The following BFSP1 variants were observed in gnomAD, a reference collection of about 807,000 sequenced individuals.
The protein encoded by BFSP1 is filensin.
Under a neutral mutation model 43.9 loss-of-function variants are expected in BFSP1, and 38 were observed. That is an observed-to-expected ratio of 0.87 (90% CI 0.67 to 1.14). The LOEUF is 1.14. Among genes scored for constraint, BFSP1 ranks in the 50% most tolerant of loss-of-function variants. The pLI is 0.00. For synonymous variants in BFSP1, 352 were observed against 354.8 expected (o/e 0.99, Z 0.09); for missense variants, 850 against 875.1 (o/e 0.97, Z 0.36).
chr20:17,511,050 G>A (rs1320481352), intron 4 of BFSP1, among the ~76,000 whole-genome samples: 1 of 152,072 alleles, frequency 6.6e-6, no homozygotes, highest in Admixed American at 6.6e-5. Flanking sequence ...AGCCTCAAAT[G>A]ATCCTCCCAC....
chr20:17,497,958 G>A (rs2033695463), intron 6 of BFSP1, among the ~76,000 whole-genome samples: 1 of 152,148 alleles, frequency 6.6e-6, no homozygotes, highest in Non-Finnish European at 1.5e-5. Context: ...TGTGTGCATA[G>A]TGTTCACTGT....
chr20:17,518,964 C>T (rs1322594045), intron 2 of BFSP1, among the ~76,000 whole-genome samples: 1 of 152,212 alleles, frequency 6.6e-6, no homozygotes, highest in Non-Finnish European at 1.5e-5. Context: ...CAGTGGTTCC[C>T]TGTGGAGTGA....
chr20:17,497,315 T>TTTTTTA (rs1264890207), intron 6 of BFSP1, among the ~76,000 whole-genome samples: 1 of 151,894 alleles, frequency 6.6e-6, no homozygotes, highest in Non-Finnish European at 1.5e-5. Context: ...AGACAGTGCC[T>TTTTTTA]TTTTTATTTT....
upstream of BFSP1, among the ~76,000 whole-genome samples, chr20:17,562,300 G>GT (rs1202352661): frequency 3.4e-5 from 5 of 146,536 alleles, no homozygotes; most frequent in East Asian, 2.1e-4. Context: ...GCCAAGGCAG[G>GT]CGGTCACAAG....
chr20:17,512,154 C>T (rs1459845551), intron 3 of BFSP1, 86 bp from the exon 4 acceptor site: 5 of 1,010,242 alleles, frequency 4.9e-6, no homozygotes, highest in East Asian at 5.0e-5. Flanking sequence ...GGAATGGACA[C>T]TTCCGCACGC....
chr20:17,529,526 G>T (rs1008085368), intron 1 of BFSP1, among the ~76,000 whole-genome samples: 10 of 152,018 alleles, frequency 6.6e-5, no homozygotes, highest in Non-Finnish European at 1.5e-4. Flanking sequence ...GTGTCTGTGT[G>T]TGTGTGTCTT....
intron 1 of BFSP1, among the ~76,000 whole-genome samples, chr20:17,539,703 C>A (rs2034686084): frequency 6.6e-6 from 1 of 151,932 alleles, no homozygotes; most frequent in African/African-American, 2.4e-5. Context: ...CAGGTCAAGG[C>A]TGCAGTGAGC....
intron 1 of BFSP1, among the ~76,000 whole-genome samples, chr20:17,527,721 CTG>C (rs1273653651): frequency 2.7e-5 from 4 of 147,204 alleles, no homozygotes; most frequent in South Asian, 4.3e-4. Context: ...GAGCGAGACT[CTG>C]TATCAAAAAA....
chr20:17,567,971 G>T (rs576058559), intron 1 of BFSP1, among the ~76,000 whole-genome samples: 189 of 151,942 alleles, frequency 1.2e-3, no homozygotes, highest in African/African-American at 4.2e-3. Context: ...AAAAAAGAAG[G>T]AACTACTATT....
In BFSP1 at chr20:17,495,072, G is replaced by A. The variant is rs1291210664; in HGVS notation, c.1043-43C>T. On this transcript the variant is annotated intron_variant, in intron 7 of 7. Coordinates refer to ENST00000377873, the MANE Select transcript of BFSP1 (RefSeq NM_001195.5). ...CAGAAATTCAAGTATAATTGTCACT[G>A]AGAGAGAAAGAAAATACGCTGGTTG... The A allele has an allele frequency of 2.6e-6, 4 of 1,529,048 alleles. No homozygotes were observed. The African/African-American group carries it at 4.2e-5, about 16-fold the overall frequency. 94.7% of individuals were successfully genotyped at this position (1,529,048 alleles called of 1,614,324 possible).
chr20:17,508,215 AG>A (rs1245493879), intron 5 of BFSP1, among the ~76,000 whole-genome samples: 6 of 148,860 alleles, frequency 4.0e-5, no homozygotes, highest in African/African-American at 1.5e-4. Context: ...GACCTGCTGT[AG>A]GGTAATGAGA....
intron 1 of BFSP1, among the ~76,000 whole-genome samples, chr20:17,526,490 A>AT (rs1318472596): frequency 6.6e-6 from 1 of 152,198 alleles, no homozygotes; most frequent in Non-Finnish European, 1.5e-5. Flanking sequence ...ATATTGTAGC[A>AT]TATGTCAGAA....
chr20:17,515,720 G>C (rs1262499406), intron 2 of BFSP1, among the ~76,000 whole-genome samples: 1 of 152,122 alleles, frequency 6.6e-6, no homozygotes, highest in Non-Finnish European at 1.5e-5. Flanking sequence ...AGCATTACTT[G>C]GGTTCATCAG....
chr20:17,494,719 T>C lies in BFSP1; in HGVS notation c.1353A>G (p.Lys451=). ...FGKLYRKVKE[K]VRSPKEPETP... is the part of the protein sequence containing the mutation. ...TCTCAGGCTCTTTGGGGCTTCTCACTTTCTCCTTGACCTTCCTGTATAGTT... is the reference window on the plus strand; with the variant it reads ...TCTCAGGCTCTTTGGGGCTTCTCACCTTCTCCTTGACCTTCCTGTATAGTT... Residue 451 remains lysine (K), a synonymous_variant, in exon 8 of 8, where the codon AAA becomes AAG. Transcript: ENST00000377873. 6.2e-7 allele frequency: 1 copy of C among 1,614,156 alleles called. No individual in the cohort carries two copies. The highest frequency in any genetic ancestry group is 2.2e-5 in the East Asian group (1 of 44,866).
rs148646117 is a variant in BFSP1 at position 17,508,913 on chromosome 20, C to T, written c.711G>A (p.Ala237=). 214 of 1,603,102 alleles carry T rather than the reference C, an allele frequency of 1.3e-4. 2 individuals carry two copies. Among genetic ancestry groups the T allele is most frequent in the South Asian group, 7.7e-4 (68 of 88,774 alleles). ...CCTGTGCCTGCAGCTCCACTCTCTG[C>T]GCCTGCAGGTGGGAGAGCACCTCCC... ...EGREVLSHLQ[A]QRVELQAQTT... Residue 237 remains alanine, a synonymous_variant, in exon 5 of 8, where the codon GCG becomes GCA. Coordinates refer to ENST00000377873, the MANE Select transcript of BFSP1 (RefSeq NM_001195.5).
In BFSP1 at chr20:17,504,220, G is replaced by A. The variant is rs149482970; in HGVS notation, c.735+4669C>T. 2.4e-3 allele frequency among the ~76,000 whole-genome samples: 373 copies of A among 152,256 alleles called. 3 individuals carry two copies. Among genetic ancestry groups the A allele is most frequent in the African/African-American group, 7.6e-3 (316 of 41,540 alleles). The stretch of plus-strand genomic sequence containing the variant: ...AGAGCCCTCCAACTCCGTACTGGTC[G>A]CAGATGCTCTACGGGATTCTGCTGA... On this transcript the variant is annotated intron_variant, in intron 5 of 7. Coordinates refer to ENST00000377873, the MANE Select transcript of BFSP1 (RefSeq NM_001195.5).
At chr20:17,540,745 T>C (rs2034702361) in intron 1 of BFSP1, among the ~76,000 whole-genome samples, 1 of 152,110 alleles carries the variant, frequency 6.6e-6, no homozygotes, top group Non-Finnish European at 1.5e-5. Flanking sequence ...TCCTGTAGGG[T>C]TTGGCAAATG....
intron 1 of BFSP1, among the ~76,000 whole-genome samples, chr20:17,547,368 A>G (rs2034820929): frequency 6.6e-6 from 1 of 151,962 alleles, no homozygotes; most frequent in Admixed American, 6.6e-5. Context: ...ATCCTTGCCT[A>G]ATTTTGAGGG....
At chr20:17,553,828 T>TATATATACACATATATATATAC (rs1304352474) in intron 1 of BFSP1, among the ~76,000 whole-genome samples, 1 of 104,048 alleles carries the variant, frequency 9.6e-6, no homozygotes, top group African/African-American at 5.4e-5. Context: ...CACACACATA[T>TATATATACACATATATATATAC]ATATATATAC....
Sources: gnomAD v4.1 joint callset for allele counts (sites outside exome capture counted in the v4.1 genomes callset) on GRCh38, gnomAD v4.1.1 for gene constraint, MANE v1.5 for transcripts, NCBI Gene and HGNC (gene_info 2026-07-23, HGNC 2026-07-21) for gene names.